SIPA1L3: variants seen among roughly 807,000 people sequenced by gnomAD.
The protein encoded by SIPA1L3 is signal induced proliferation associated 1 like 3.
In SIPA1L3, 59 loss-of-function variants were observed where a neutral mutation model predicts 150.1. The observed-to-expected ratio is 0.39, with a 90% CI of 0.32 to 0.49. The LOEUF (loss-of-function observed/expected upper bound fraction) is 0.49, where lower values mean the gene tolerates loss of function less well. Among genes scored for constraint, SIPA1L3 ranks in the 20% least tolerant of loss-of-function variants. The pLI is 0.86. For synonymous variants in SIPA1L3, 1,070 were observed against 1,077.6 expected (o/e 0.99, Z 0.14); for missense variants, 2,211 against 2,489.5 (o/e 0.89, Z 2.38).
intron 10 of SIPA1L3, among the ~76,000 whole-genome samples, chr19:38,138,910 A>AAAAAAAAAAAAACAAGAAC (rs1343348254): frequency 8.9e-6 from 1 of 112,786 alleles, no homozygotes; most frequent in Non-Finnish European, 1.8e-5. Context: ...AAAAAAAAAA[A>AAAAAAAAAAAAACAAGAAC]AAAAACTGAG....
chr19:37,972,345 T>C (rs542478977), intron 1 of SIPA1L3, among the ~76,000 whole-genome samples: 12 of 152,312 alleles, frequency 7.9e-5, no homozygotes, highest in Admixed American at 7.2e-4. Context: ...GCAAAATCCA[T>C]TGGCAGATCT....
chr19:38,193,519 C>T lies in SIPA1L3; in HGVS notation c.4597-18C>T, dbSNP rs763401721. 1.4e-6 allele frequency: 2 copies of T among 1,441,388 alleles called. No homozygotes were observed. Among genetic ancestry groups the T allele is most frequent in the South Asian group, 3.0e-5 (2 of 66,902 alleles). 89.3% of individuals were successfully genotyped at this position (1,441,388 alleles called of 1,614,324 possible). On this transcript the variant is annotated intron_variant, in intron 17 of 21. Transcript: ENST00000222345. ...GCCAGTCTGTGACCTCCCCCAACATCCCACCCACGCCCCACAGCAGTCACC... is the reference window on the plus strand; with the variant it reads ...GCCAGTCTGTGACCTCCCCCAACATTCCACCCACGCCCCACAGCAGTCACC...
intron 3 of SIPA1L3, among the ~76,000 whole-genome samples, chr19:38,088,048 G>A (rs1001245828): frequency 6.6e-6 from 1 of 152,226 alleles, no homozygotes; most frequent in Admixed American, 6.5e-5. Context: ...AAGTTACCTA[G>A]GTAAAGAAAC....
At chr19:37,955,194 C>T (rs1164627452) in intron 1 of SIPA1L3, among the ~76,000 whole-genome samples, 3 of 151,294 alleles carry the variant, frequency 2.0e-5, no homozygotes, top group Non-Finnish European at 2.9e-5. Context: ...GAGTTTGAGA[C>T]CAGCCTGACC....
intron 1 of SIPA1L3, among the ~76,000 whole-genome samples, chr19:38,004,708 AAG>A (rs1967896212): frequency 6.6e-6 from 1 of 152,154 alleles, no homozygotes; most frequent in Non-Finnish European, 1.5e-5. Flanking sequence ...AATCACTAAT[AAG>A]AGGGGTGAGC....
At chr19:37,998,013 TC>T (rs1482618191) in intron 1 of SIPA1L3, among the ~76,000 whole-genome samples, 1 of 152,154 alleles carries the variant, frequency 6.6e-6, no homozygotes, top group African/African-American at 2.4e-5. Context: ...TGGATTCAAA[TC>T]CCAGCCCCAG....
At chr19:37,995,816 G>A (rs1157750205) in intron 1 of SIPA1L3, among the ~76,000 whole-genome samples, 1 of 152,206 alleles carries the variant, frequency 6.6e-6, no homozygotes, top group African/African-American at 2.4e-5. Context: ...GGGCCCACAC[G>A]TGCCATTGGG....
chr19:37,952,271 G>A (rs1410739492), intron 1 of SIPA1L3, among the ~76,000 whole-genome samples: 4 of 152,150 alleles, frequency 2.6e-5, no homozygotes, highest in Non-Finnish European at 5.9e-5. Context: ...CAAAACATTG[G>A]CCCTTTTTCC....
chr19:38,193,878 G>A, intron 18 of SIPA1L3, 98 bp downstream of exon 18: 1 of 1,316,312 alleles, frequency 7.6e-7, no homozygotes. Context: ...AAGGCTAGAG[G>A]TCATCAGTGT....
intron 15 of SIPA1L3, among the ~76,000 whole-genome samples, chr19:38,181,220 C>T (rs549210880): frequency 1.2e-4 from 19 of 152,324 alleles, no homozygotes; most frequent in African/African-American, 4.6e-4. Flanking sequence ...CTGAAATGGT[C>T]ATTTGTGGTC....
chr19:38,057,795 C>T (rs1474612514), intron 2 of SIPA1L3, among the ~76,000 whole-genome samples: 1 of 151,786 alleles, frequency 6.6e-6, no homozygotes, highest in African/African-American at 2.4e-5. Flanking sequence ...TACAGGCACC[C>T]ACCACCACAC....
rs1468117599 is a variant in SIPA1L3 at position 38,193,598 on chromosome 19, G to A, written c.4658G>A (p.Arg1553Gln). The change falls in exon 18 of 22, where the codon CGG becomes CAG. Residue 1553 changes from arginine (R) to glutamine (Q), a missense_variant. Around this residue, in one of 5 missense-constraint regions of SIPA1L3, gnomAD observed 806 missense variants for 870.1 expected, o/e 0.93. Coordinates refer to ENST00000222345, the MANE Select transcript of SIPA1L3 (RefSeq NM_015073.3). ...GACGAGAGCCTGTGCAGCGGGCGCC[G>A]GGAGCCCAGCTTCGCCAGCCCCGCT... ...LSDESLCSGRREPSFASPAGL... is the reference protein window; with the variant it reads ...LSDESLCSGRQEPSFASPAGL... The A allele has an allele frequency of 4.5e-6, 7 of 1,562,224 alleles. No individual in the cohort carries two copies. Among genetic ancestry groups the A allele is most frequent in the South Asian group, 1.2e-5 (1 of 85,358 alleles).
intron 3 of SIPA1L3, among the ~76,000 whole-genome samples, chr19:38,085,894 G>T (rs531533046): frequency 6.6e-6 from 1 of 152,134 alleles, no homozygotes; most frequent in Admixed American, 6.5e-5. Flanking sequence ...TACTTGGGAG[G>T]CTGAGGCCGG....
At chr19:38,098,269 A>C (rs1347803116) in intron 4 of SIPA1L3, among the ~76,000 whole-genome samples, 1 of 152,116 alleles carries the variant, frequency 6.6e-6, no homozygotes, top group Non-Finnish European at 1.5e-5. Context: ...GCAAGGATTA[A>C]CTTCTGTGAC....
At chr19:37,925,354 C>T (rs2046493896) in intron 1 of SIPA1L3, among the ~76,000 whole-genome samples, 1 of 152,034 alleles carries the variant, frequency 6.6e-6, no homozygotes. Flanking sequence ...GGATGGCCTC[C>T]TTGGGAAAGT....
intron 1 of SIPA1L3, among the ~76,000 whole-genome samples, chr19:37,951,657 G>A (rs1211787794): frequency 6.6e-6 from 1 of 152,046 alleles, no homozygotes; most frequent in African/African-American, 2.4e-5. Flanking sequence ...CCAGCACTTT[G>A]GGAGGCTGAG....
intron 20 of SIPA1L3, among the ~76,000 whole-genome samples, chr19:38,203,341 TG>T (rs1287597324): frequency 6.6e-6 from 1 of 152,162 alleles, no homozygotes; most frequent in Non-Finnish European, 1.5e-5. Context: ...GCAGCAAGGT[TG>T]TAGGAAAGGG....
chr19:38,147,945 A>G (rs1449463140), intron 12 of SIPA1L3, among the ~76,000 whole-genome samples: 1 of 152,092 alleles, frequency 6.6e-6, no homozygotes, highest in African/African-American at 2.4e-5. Context: ...TGGGAGGCTG[A>G]GGTGGGAGGA....
At chr19:37,944,655 G>C (rs1021013693) in intron 1 of SIPA1L3, among the ~76,000 whole-genome samples, 18 of 152,104 alleles carry the variant, frequency 1.2e-4, no homozygotes, top group Non-Finnish European at 1.9e-4. Context: ...CCTGTTATAC[G>C]CTGAAATTAC....
Sources: allele counts gnomAD v4.1 joint callset (sites outside exome capture counted in the v4.1 genomes callset), GRCh38; gene constraint gnomAD v4.1.1; regional missense constraint gnomAD v4.1.1; transcripts MANE v1.5; gene names NCBI Gene and HGNC (gene_info 2026-07-23, HGNC 2026-07-21).